Variants in ITGB4 observed in about 807,000 individuals in gnomAD.
ITGB4 encodes integrin subunit beta 4.
A neutral mutation model predicts 207.6 loss-of-function variants in ITGB4; 159 were observed. The ratio of observed to expected loss-of-function variants is 0.77; its 90% CI spans 0.67 to 0.87. The LOEUF (loss-of-function observed/expected upper bound fraction) is 0.87, where lower values mean the gene tolerates loss of function less well. Ranked by LOEUF, ITGB4 falls within the 40% of genes least tolerant of loss-of-function variation. The probability of loss-of-function intolerance (pLI) is 0.00; values close to 1 mark genes in which losing one functional copy is unlikely to be tolerated. For synonymous variants in ITGB4, 1,020 were observed against 1,062.7 expected (o/e 0.96, Z 0.78); for missense variants, 2,278 against 2,546.8 (o/e 0.89, Z 2.27).
At chr17:75,728,526 C>G in intron 6 of ITGB4, 53 bp downstream of exon 6, 1 of 1,363,070 alleles carries the variant, frequency 7.3e-7, no homozygotes, top group Non-Finnish European at 1.0e-6. Flanking sequence ...CCATGTGACC[C>G]CCACTCCTCT....
At position 75,739,904 on chromosome 17, in the gene ITGB4, A is replaced by T. The variant is rs2061066699; in HGVS notation, c.2279A>T (p.Asp760Val). Residue 760 changes from aspartate (D) to valine (V), a missense_variant, in exon 20 of 40, where the codon GAC (aspartate) becomes GTC (valine). Asp to Val is a radical substitution (Grantham distance 152). Coordinates refer to ENST00000200181, the MANE Select transcript of ITGB4 (RefSeq NM_000213.5). This position sits in a 1 kb window ranked among gnomAD's most constrained non-coding sequence, Gnocchi z 5.4. ...GGTCACATGGTGGGCTTTAAGGAAG[A>T]CCACTACATGCTGCGGGAGAACCTG... ...NRGHMVGFKE[D>V]HYMLRENLMA... 1 of 1,613,338 alleles carries T rather than the reference A, an allele frequency of 6.2e-7. No individual in the cohort carries two copies. Among genetic ancestry groups the T allele is most frequent in the Non-Finnish European group, 8.5e-7 (1 of 1,180,014 alleles).
At position 75,736,594 on chromosome 17, in the gene ITGB4, C is replaced by G. The variant is rs1281426877; in HGVS notation, c.1890C>G (p.Arg630=). 1.2e-6 allele frequency: 2 copies of G among 1,602,422 alleles called. No homozygotes were observed. Among genetic ancestry groups the G allele is most frequent in the African/African-American group, 1.3e-5 (1 of 75,010 alleles). ...AIHPGLCEDL[R]SCVQCQAWGT... ...ACCCGGGCCTCTGCGAGGACCTACG[C>G]TCCTGCGTGCAGTGCCAGGCGTGGG... Residue 630 remains arginine (R), a synonymous_variant, in exon 16 of 40, where the codon CGC becomes CGG. Transcript: ENST00000200181.
Position 75,737,759 on chromosome 17 carries a change from C to G in ITGB4, c.2220+115C>G, listed in dbSNP as rs867387957. 4.5e-6 allele frequency: 4 copies of G among 880,458 alleles called. No homozygotes were observed. The East Asian group carries it at 1.0e-4, about 23-fold the overall frequency. The allele number at this position is 880,458 out of a possible 1,614,324, so 54.5% of individuals were successfully genotyped here. ...GCCTGAGTTCTCATCTCCCCAGGGT[C>G]CCCAACCCCTTCCTGGGTCCCCACC... is the stretch of plus-strand genomic sequence containing the variant. On this transcript the variant is annotated intron_variant, in intron 18 of 39. Coordinates refer to ENST00000200181, the MANE Select transcript of ITGB4 (RefSeq NM_000213.5).
chr17:75,739,867 C>A lies in ITGB4; in HGVS notation c.2255-13C>A. The A allele has an allele frequency of 6.2e-7, 1 of 1,613,330 alleles. No individual in the cohort carries two copies. On this transcript the variant is annotated splice_polypyrimidine_tract_variant and intron_variant, in intron 19 of 39. Coordinates refer to ENST00000200181, the MANE Select transcript of ITGB4 (RefSeq NM_000213.5). The surrounding 1 kb of genome is among the most constrained non-coding windows in gnomAD (Gnocchi z 5.4). ...CTAGGGAGGGGTGCCGTGCTGAGGACCCCATCCTGCAGGTCACATGGTGGG... is the reference window on the plus strand; with the variant it reads ...CTAGGGAGGGGTGCCGTGCTGAGGAACCCATCCTGCAGGTCACATGGTGGG...
chr17:75,754,869 C>T, intron 34 of ITGB4, 54 bp downstream of exon 34: 12 of 1,611,312 alleles, frequency 7.4e-6, no homozygotes, highest in Non-Finnish European at 1.0e-5. Context: ...TCTCTTCCAG[C>T]TCCTGGAGCC....
chr17:75,742,246 C>A lies in ITGB4; in HGVS notation c.2634-95C>A. On this transcript the variant is annotated intron_variant, in intron 23 of 39. Coordinates refer to ENST00000200181, the MANE Select transcript of ITGB4 (RefSeq NM_000213.5). The surrounding 1 kb of genome is among the most constrained non-coding windows in gnomAD (Gnocchi z 5.9). ...CCCTGCACTTCTTGCTGTCTTACAT[C>A]CTGGCCCCTGAAGGGGAGAAGACAG... 6.6e-7 allele frequency: 1 copy of A among 1,506,492 alleles called. No individual in the cohort carries two copies. The allele number at this position is 1,506,492 out of a possible 1,614,324, so 93.3% of individuals were successfully genotyped here. A position where few individuals can be genotyped will look rare whatever the true frequency, so the allele number is the denominator to read the frequency against.
chr17:75,756,667 C>T (rs1294051416), intron 36 of ITGB4, 37 bp from the exon 37 acceptor site: 1 of 1,613,252 alleles, frequency 6.2e-7, no homozygotes, highest in South Asian at 1.1e-5. Context: ...GCCCACCACC[C>T]ACCCACAGGC....
At chr17:75,737,700 G>A (rs2061013020) in intron 18 of ITGB4, 56 bp downstream of exon 18, 3 of 1,435,510 alleles carry the variant, frequency 2.1e-6, no homozygotes, top group Admixed American at 3.4e-5. Context: ...CACCCCAACA[G>A]GGCCCCCACC....
At chr17:75,730,626 T>TTTCCTCCCTTTCC in intron 8 of ITGB4, 122 bp downstream of exon 8, 1 of 1,070,726 alleles carries the variant, frequency 9.3e-7, no homozygotes, top group East Asian at 2.8e-5. Flanking sequence ...CCCTCCCTCT[T>TTTCCTCCCTTTCC]TTCCTCCCTT....
Position 75,736,279 on chromosome 17 carries a change from C to G in ITGB4, c.1762-9C>G. Reference sequence around the variant, plus strand: ...ACAGCTGGCTCACTGGTGCCCCCTCCTACCCCAGGGCATCTGTAATGGACG... The same window carrying G: ...ACAGCTGGCTCACTGGTGCCCCCTCGTACCCCAGGGCATCTGTAATGGACG... On this transcript the variant is annotated splice_polypyrimidine_tract_variant and intron_variant, in intron 14 of 39. Coordinates refer to ENST00000200181, the MANE Select transcript of ITGB4 (RefSeq NM_000213.5). 1 of 1,613,400 alleles carries G rather than the reference C, an allele frequency of 6.2e-7. No homozygotes were observed.
Position 75,731,434 on chromosome 17 carries a change from T to C in ITGB4, c.1215+66T>C. 1 of 1,521,128 alleles carries C rather than the reference T, an allele frequency of 6.6e-7. No individual in the cohort carries two copies. The highest frequency in any genetic ancestry group is 9.0e-7 in the Non-Finnish European group (1 of 1,114,138). The allele number at this position is 1,521,128 out of a possible 1,614,324, so 94.2% of individuals were successfully genotyped here. On this transcript the variant is annotated intron_variant, in intron 10 of 39. Coordinates refer to ENST00000200181, the MANE Select transcript of ITGB4 (RefSeq NM_000213.5). The surrounding 1 kb of genome is among the most constrained non-coding windows in gnomAD (Gnocchi z 6.8). ...GCGCCCCACACCGAGTGGAATCGTT[T>C]AAAACAGCGGTCAAGAGCGTGGCCC...
intron 30 of ITGB4, among the ~76,000 whole-genome samples, chr17:75,751,357 AG>A (rs1370142634): frequency 2.0e-5 from 3 of 152,238 alleles, no homozygotes; most frequent in Non-Finnish European, 4.4e-5. Context: ...GTGAGGTCAC[AG>A]GCCCAGGGGT....
In ITGB4 at chr17:75,752,069, C is replaced by T. The variant is rs915301260; in HGVS notation, c.3794-105C>T. Reference sequence around the variant, plus strand: ...CTGGCTTTGCCTTGCTTCCCCAGCCCCTGGGTGCCATCCAGGGGATGCACG... The same window carrying T: ...CTGGCTTTGCCTTGCTTCCCCAGCCTCTGGGTGCCATCCAGGGGATGCACG... On this transcript the variant is annotated intron_variant, in intron 30 of 39. Transcript: ENST00000200181. The T allele has an allele frequency of 4.7e-6, 6 of 1,269,042 alleles. No individual in the cohort carries two copies. In the African/African-American group the frequency reaches 7.3e-5, roughly 16 times the overall value. 78.6% of individuals were successfully genotyped at this position (1,269,042 alleles called of 1,614,324 possible). A position where few individuals can be genotyped will look rare whatever the true frequency, so the allele number is the denominator to read the frequency against.
At position 75,727,835 on chromosome 17, in the gene ITGB4, A is replaced by G. The variant is rs2060755837; in HGVS notation, c.449A>G (p.Lys150Arg). 2 of 1,613,862 alleles carry G rather than the reference A, an allele frequency of 1.2e-6. No individual in the cohort carries two copies. The highest frequency in any genetic ancestry group is 8.5e-7 in the Non-Finnish European group (1 of 1,179,914). ...ATGTCCGATGATCTGGACAACCTCA[A>G]GAAGATGGGGCAGAACCTGGGTACG... ...NSMSDDLDNL[K>R]KMGQNLARVL... Residue 150 changes from lysine (K) to arginine (R), a missense_variant, in exon 5 of 40, where the codon AAG becomes AGG. Physicochemically the swap from Lys to Arg is conservative, Grantham distance 26. Transcript: ENST00000200181. The surrounding 1 kb of genome is among the most constrained non-coding windows in gnomAD (Gnocchi z 6.0).
At position 75,756,735 on chromosome 17, in the gene ITGB4, C is replaced by G; in HGVS notation, c.4929C>G (p.Ala1643=). The change falls in exon 37 of 40, where the codon GCC becomes GCG. Residue 1643 remains alanine (A), a synonymous_variant. Transcript: ENST00000200181. ...GSAFTLSTPS[A]PGPLVFTALS... is the part of the protein sequence containing the mutation. ...CCTTCACTTTGAGCACTCCCAGTGC[C>G]CCAGGCCCGCTGGTGTTCACTGCCC... The G allele has an allele frequency of 6.2e-7, 1 of 1,613,216 alleles. No individual in the cohort carries two copies.
In ITGB4 at chr17:75,756,805, C is replaced by T. The variant is rs766680818; in HGVS notation, c.4999C>T (p.Pro1667Ser). The change falls in exon 37 of 40, where the codon CCC becomes TCC. Residue 1667 changes from proline to serine, a missense_variant. Transcript: ENST00000200181. ...LQLSWERPRR[P>S]NGDIVGYLVT... ...GCTGAGCTGGGAGCGGCCACGGAGG[C>T]CCAATGGGGATATCGTCGGCTACCT... The T allele has an allele frequency of 2.5e-6, 4 of 1,612,450 alleles. No homozygotes were observed. The East Asian group carries it at 6.7e-5, about 27-fold the overall frequency.
intron 1 of ITGB4, among the ~76,000 whole-genome samples, chr17:75,721,975 A>G (rs1008132177): frequency 1.1e-4 from 16 of 152,216 alleles, no homozygotes; most frequent in Admixed American, 8.5e-4. Context: ...ATCATGGCGC[A>G]TCTAATGATA....
Position 75,727,348 on chromosome 17 carries a change from T to TCG in ITGB4, c.163-56_163-55insCG, listed in dbSNP as rs2060741158. 3.7e-6 allele frequency: 6 copies of TCG among 1,612,626 alleles called. No individual in the cohort carries two copies. Among genetic ancestry groups the TCG allele is most frequent in the Non-Finnish European group, 5.1e-6 (6 of 1,178,952 alleles). Reference sequence around the variant, plus strand: ...ATAGCTGGTGGAAATGAATCTAGGGTTGGGGCAGCCAGGGAATGGGTGCTG... The same window carrying TCG: ...ATAGCTGGTGGAAATGAATCTAGGGTCGTGGGGCAGCCAGGGAATGGGTGCTG... On this transcript the variant is annotated intron_variant, in intron 3 of 39. Transcript: ENST00000200181. This position sits in a 1 kb window ranked among gnomAD's most constrained non-coding sequence, Gnocchi z 6.0.
At position 75,729,400 on chromosome 17, in the gene ITGB4, C is replaced by A. The variant is rs61751843; in HGVS notation, c.702C>A (p.Gly234=). Residue 234 remains glycine (G), a synonymous_variant, in exon 7 of 40, where the codon GGC becomes GGA. Transcript: ENST00000200181. The surrounding 1 kb of genome is among the most constrained non-coding windows in gnomAD (Gnocchi z 4.4). Reference sequence around the variant, plus strand: ...CAGGCAACCTGGATGCTCCTGAGGGCGGCTTCGATGCCATCCTGCAGACAG... The same window carrying A: ...CAGGCAACCTGGATGCTCCTGAGGGAGGCTTCGATGCCATCCTGCAGACAG... ...RISGNLDAPE[G]GFDAILQTAV... The A allele has an allele frequency of 1.2e-6, 2 of 1,614,116 alleles. No homozygotes were observed. The highest frequency in any genetic ancestry group is 1.7e-5 in the Admixed American group (1 of 60,012).
Sources: gnomAD v4.1 joint callset for allele counts (sites outside exome capture counted in the v4.1 genomes callset) on GRCh38, gnomAD v4.1.1 for gene constraint, Gnocchi (gnomAD v3.1) non-coding constraint, MANE v1.5 for transcripts, NCBI Gene and HGNC (gene_info 2026-07-23, HGNC 2026-07-21) for gene names.